The following RDH10 variants were observed in gnomAD, a reference collection of about 807,000 sequenced individuals.
RDH10 encodes retinol dehydrogenase 10.
Under a neutral mutation model 30.2 loss-of-function variants are expected in RDH10, and 12 were observed. The observed-to-expected ratio is 0.40, with a 90% confidence interval of 0.25 to 0.64. The LOEUF (loss-of-function observed/expected upper bound fraction) is 0.64, where lower values mean the gene tolerates loss of function less well. RDH10 is among the 30% of genes least tolerant of loss of function. RDH10 has a pLI of 0.43. For synonymous variants in RDH10, 189 were observed against 172.2 expected, an observed-to-expected ratio of 1.10 and a Z score of -0.76; for missense variants, 268 against 445.2, an observed-to-expected ratio of 0.60 and a Z score of 3.58.
intron 2 of RDH10, among the ~76,000 whole-genome samples, chr8:73,316,400 A>G (rs1814665316): frequency 6.6e-6 from 1 of 152,228 alleles, no homozygotes; most frequent in Non-Finnish European, 1.5e-5. Flanking sequence ...ACCCATGTAT[A>G]AATTATAGAG....
chr8:73,300,146 G>T (rs1229075107), intron 2 of RDH10, among the ~76,000 whole-genome samples: 2 of 152,100 alleles, frequency 1.3e-5, no homozygotes, highest in Non-Finnish European at 2.9e-5. Context: ...TTTCCCCTAA[G>T]CATCTAAACT....
chr8:73,318,883 G>C (rs997162827), intron 2 of RDH10, among the ~76,000 whole-genome samples: 2 of 152,210 alleles, frequency 1.3e-5, no homozygotes, highest in African/African-American at 4.8e-5. Context: ...TTACAGTCTT[G>C]TTGGTCACGA....
chr8:73,304,421 A>G (rs913849289), intron 2 of RDH10, among the ~76,000 whole-genome samples: 11 of 151,964 alleles, frequency 7.2e-5, no homozygotes, highest in Admixed American at 7.2e-4. Context: ...AGTGCCTCTG[A>G]TCTTCTTTTC....
chr8:73,316,979 C>T (rs1814681196), intron 2 of RDH10, among the ~76,000 whole-genome samples: 1 of 152,146 alleles, frequency 6.6e-6, no homozygotes, highest in African/African-American at 2.4e-5. Flanking sequence ...TTATAGTTGA[C>T]CTGAGATTTG....
At chr8:73,316,013 G>A (rs924012773) in intron 2 of RDH10, among the ~76,000 whole-genome samples, 2 of 152,090 alleles carry the variant, frequency 1.3e-5, no homozygotes, top group African/African-American at 4.8e-5. Flanking sequence ...TGATTACTTA[G>A]GGATATGTTT....
intron 2 of RDH10, among the ~76,000 whole-genome samples, chr8:73,317,473 A>G (rs1044701147): frequency 1.4e-5 from 2 of 146,556 alleles, no homozygotes; most frequent in Admixed American, 1.4e-4. Context: ...ACAGGGTGTG[A>G]GTTGGGAGTG....
Position 73,295,103 on chromosome 8 carries a change from T to C in RDH10, c.-187T>C. The C allele has an allele frequency of 2.5e-6, 1 of 395,818 alleles. No homozygotes were observed. Among genetic ancestry groups the C allele is most frequent in the Non-Finnish European group, 4.3e-6 (1 of 234,726 alleles). The allele number at this position is 395,818 out of a possible 1,614,324, so 24.5% of individuals were successfully genotyped here. ...CCACAGCGCCGAGCCCGGGCGGGAG[T>C]GGCCCCGCGCAGGCAGGGAGCGGCG... On this transcript the variant is annotated 5_prime_UTR_variant, in exon 1 of 6. Transcript: ENST00000240285.
intron 2 of RDH10, among the ~76,000 whole-genome samples, 176 bp from the exon 3 acceptor site, chr8:73,318,920 A>T (rs983543977): frequency 6.6e-6 from 1 of 152,236 alleles, no homozygotes; most frequent in African/African-American, 2.4e-5. Context: ...CATGCCGATG[A>T]TACAGTGCTA....
chr8:73,294,974 C>G lies in RDH10; in HGVS notation c.-316C>G. ...GAGTAGTCTAACTCGCGGCTGTCAC[C>G]GCCACTGCAGCGGAGCCGGCCGGCC... On this transcript the variant is annotated 5_prime_UTR_variant, in exon 1 of 6. Coordinates refer to ENST00000240285, the MANE Select transcript of RDH10 (RefSeq NM_172037.5). 2.6e-6 allele frequency: 1 copy of G among 389,890 alleles called. No individual in the cohort carries two copies. Among genetic ancestry groups the G allele is most frequent in the Non-Finnish European group, 4.5e-6 (1 of 220,490 alleles). The allele number at this position is 389,890 out of a possible 1,614,324, so 24.2% of individuals were successfully genotyped here.
chr8:73,324,358 T>C lies in RDH10; in HGVS notation c.*1322T>C, dbSNP rs935610484. Reference sequence around the variant, plus strand: ...CTTGAATTTGGTATATGTGTATTAGTGAAACATTGTAAAGGTGAACTTCTA... The same window carrying C: ...CTTGAATTTGGTATATGTGTATTAGCGAAACATTGTAAAGGTGAACTTCTA... On this transcript the variant is annotated 3_prime_UTR_variant, in exon 6 of 6. Transcript: ENST00000240285. 1.3e-5 allele frequency: 2 copies of C among 152,660 alleles called. No homozygotes were observed. Among genetic ancestry groups the C allele is most frequent in the African/African-American group, 4.8e-5 (2 of 41,458 alleles). 9.5% of individuals were successfully genotyped at this position (152,660 alleles called of 1,614,324 possible). A position where few individuals can be genotyped will look rare whatever the true frequency, so the allele number is the denominator to read the frequency against.
At position 73,324,204 on chromosome 8, in the gene RDH10, G is replaced by A. The variant is rs1814825128; in HGVS notation, c.*1168G>A. On this transcript the variant is annotated 3_prime_UTR_variant, in exon 6 of 6. Transcript: ENST00000240285. ...TTTTTGTGCCAACTATGATTAGTGA[G>A]AGGAAGAAATCTTATTCTATGGCAT... 1 of 152,650 alleles carries A rather than the reference G, an allele frequency of 6.6e-6. No homozygotes were observed. The highest frequency in any genetic ancestry group is 2.4e-5 in the African/African-American group (1 of 41,462). 9.5% of individuals were successfully genotyped at this position (152,650 alleles called of 1,614,324 possible).
intron 2 of RDH10, among the ~76,000 whole-genome samples, chr8:73,299,770 A>C (rs2130356727): frequency 6.6e-6 from 1 of 152,366 alleles, no homozygotes; most frequent in Non-Finnish European, 1.5e-5. Context: ...TACAATCTGC[A>C]GTTAAATACT....
rs756538372 is a variant in RDH10 at position 73,299,637 on chromosome 8, A to G, written c.525+2208A>G. ...CCTTTGACTAAGATGATGCAAGACT[A>G]CATAACTAAACTTTTACCTACACCA... On this transcript the variant is annotated intron_variant, in intron 2 of 5. Transcript: ENST00000240285. Among the ~76,000 whole-genome samples, 17 of 152,336 alleles carry G rather than the reference A, an allele frequency of 1.1e-4. No homozygotes were observed. In the South Asian group the frequency reaches 3.5e-3, roughly 32 times the overall value.
At chr8:73,313,430 C>T (rs1232524686) in intron 2 of RDH10, 4 of 151,932 alleles carry the variant, frequency 2.6e-5, no homozygotes, top group Admixed American at 6.6e-5. Flanking sequence ...AAGCATGTTT[C>T]ATAGGAATGT....
chr8:73,306,502 C>G (rs527512137), intron 2 of RDH10, among the ~76,000 whole-genome samples: 1 of 152,330 alleles, frequency 6.6e-6, no homozygotes, highest in African/African-American at 2.4e-5. Context: ...AATGAATATC[C>G]TCTTATAATC....
At position 73,295,001 on chromosome 8, in the gene RDH10, G is replaced by C. The variant is rs1449885303; in HGVS notation, c.-289G>C. The stretch of plus-strand genomic sequence containing the variant: ...CCACTGCAGCGGAGCCGGCCGGCCG[G>C]GCGCTGCGGGACGGGCGGGCGGCTG... On this transcript the variant is annotated 5_prime_UTR_variant, in exon 1 of 6. Transcript: ENST00000240285. 4 of 380,070 alleles carry C rather than the reference G, an allele frequency of 1.1e-5. No individual in the cohort carries two copies. The highest frequency in any genetic ancestry group is 2.1e-5 in the African/African-American group (1 of 47,610). 23.5% of individuals were successfully genotyped at this position (380,070 alleles called of 1,614,324 possible). A position where few individuals can be genotyped will look rare whatever the true frequency, so the allele number is the denominator to read the frequency against.
At chr8:73,297,488 G>A (rs897954008) in intron 2 of RDH10, 59 bp downstream of exon 2, 10 of 1,273,730 alleles carry the variant, frequency 7.9e-6, no homozygotes, top group South Asian at 2.4e-5. Flanking sequence ...AGGTTGGGAA[G>A]GGGAGAGACT....
At chr8:73,319,355 C>A (rs1814726327) in intron 3 of RDH10, among the ~76,000 whole-genome samples, 161 bp downstream of exon 3, 1 of 152,108 alleles carries the variant, frequency 6.6e-6, no homozygotes, top group Non-Finnish European at 1.5e-5. Context: ...GAACCCAGGG[C>A]CAGCCACTGG....
At chr8:73,306,281 TG>T (rs1330188193) in intron 2 of RDH10, among the ~76,000 whole-genome samples, 8 of 152,278 alleles carry the variant, frequency 5.3e-5, no homozygotes, top group Middle Eastern at 3.4e-3. Flanking sequence ...CACACTGGAG[TG>T]GATGCGAGGG....
Sources: gnomAD v4.1 joint callset for allele counts (sites outside exome capture counted in the v4.1 genomes callset) on GRCh38, gnomAD v4.1.1 for gene constraint, MANE v1.5 for transcripts, NCBI Gene and HGNC (gene_info 2026-07-23, HGNC 2026-07-21) for gene names.